ZNF600: variants seen among roughly 807,000 people sequenced by gnomAD.
ZNF600 encodes zinc finger protein KR-ZNF1.
In ZNF600, 4 loss-of-function variants were observed where a neutral mutation model predicts 7.3. The observed-to-expected ratio is 0.55, with a 90% CI of 0.27 to 1.25. The LOEUF is 1.25. ZNF600 is among the 50% of genes most tolerant of loss of function. The probability of loss-of-function intolerance (pLI) is 0.12; values close to 1 mark genes in which losing one functional copy is unlikely to be tolerated. For missense variants in ZNF600, 911 were observed against 922.1 expected (o/e 0.99, Z 0.16); for synonymous variants, 290 against 308.9 (o/e 0.94, Z 0.64).
chr19:52,784,430 A>T lies in ZNF600; in HGVS notation c.-20+2165T>A, dbSNP rs138325991. Reference sequence around the variant, plus strand: ...CAAAATATAAACTAATTAATAAATTAAAAGTATTATGTAATAAGAGAAAGT... The same window carrying T: ...CAAAATATAAACTAATTAATAAATTTAAAGTATTATGTAATAAGAGAAAGT... On this transcript the variant is annotated intron_variant, in intron 1 of 3. Transcript: ENST00000648973. Among the ~76,000 whole-genome samples, 141 of 152,256 alleles carry T rather than the reference A, an allele frequency of 9.3e-4. 1 individual carries two copies. Among genetic ancestry groups the T allele is most frequent in the African/African-American group, 3.3e-3 (137 of 41,548 alleles).
At chr19:52,832,775 CCTT>C in the ZNF600 span, among the ~76,000 whole-genome samples, 1 of 151,922 alleles carries the variant, frequency 6.6e-6, no homozygotes, top group Non-Finnish European at 1.5e-5. Context: ...CTCTCTCTCT[CCTT>C]TTTTTTCTTT....
At chr19:52,794,120 C>G in the ZNF600 span, among the ~76,000 whole-genome samples, 7 of 151,722 alleles carry the variant, frequency 4.6e-5, no homozygotes, top group Non-Finnish European at 8.8e-5. Flanking sequence ...AGTGGAGAGG[C>G]CTGCAGGGGA....
intron 3 of ZNF600, 100 bp downstream of exon 5, chr19:52,774,475 C>T: frequency 2.3e-6 from 2 of 878,066 alleles, no homozygotes; most frequent in Non-Finnish European, 2.6e-6. Flanking sequence ...AAAAAAAAAG[C>T]CATGCATGGG....
At chr19:52,799,216 GA>G in the ZNF600 span, 1 of 392,420 alleles carries the variant, frequency 2.5e-6, no homozygotes, top group Non-Finnish European at 5.0e-6. Context: ...ATTGCCTTTT[GA>G]ATTACAAGGT....
At chr19:52,801,778 C>CA in the ZNF600 span, 1 of 1,338,230 alleles carries the variant, frequency 7.5e-7, no homozygotes, top group Non-Finnish European at 1.0e-6. Flanking sequence ...AAATATGACA[C>CA]AAAAAACAAT....
the ZNF600 span, among the ~76,000 whole-genome samples, chr19:52,818,228 G>T: frequency 6.6e-6 from 1 of 152,070 alleles, no homozygotes; most frequent in Non-Finnish European, 1.5e-5. Flanking sequence ...TGCAGCAGTG[G>T]GGAGCTGGGC....
exon 4 of ZNF600, chr19:52,766,772 T>G: frequency 6.2e-7 from 1 of 1,614,078 alleles, no homozygotes; most frequent in Non-Finnish European, 8.5e-7. Context: ...ATTTGTATGG[T>G]TTCTCTCCAG....
the ZNF600 span, chr19:52,809,784 G>A: frequency 2.0e-6 from 1 of 503,958 alleles, no homozygotes; most frequent in Non-Finnish European, 3.5e-6. Flanking sequence ...CAGCCTGGGT[G>A]ACAGAGCGAA....
chr19:52,810,452 C>T, the ZNF600 span: 76 of 1,595,872 alleles, frequency 4.8e-5, no homozygotes, highest in African/African-American at 8.6e-4. Context: ...ATATAGAGTT[C>T]TCAAAGAGTC....
the ZNF600 span, among the ~76,000 whole-genome samples, chr19:52,826,160 G>C: frequency 8.7e-3 from 1,325 of 152,200 alleles, 8 homozygotes; most frequent in Non-Finnish European, 0.014. Context: ...GTTGCTCAAC[G>C]CCTGTAATCC....
At chr19:52,810,780 C>A in the ZNF600 span, 32 of 387,270 alleles carry the variant, frequency 8.3e-5, no homozygotes, top group South Asian at 8.8e-4. Context: ...AAAAAAAACC[C>A]AAAAAAAACA....
intron 2 of ZNF600, among the ~76,000 whole-genome samples, chr19:52,777,111 T>C (rs2062682093): frequency 6.6e-6 from 1 of 152,122 alleles, no homozygotes; most frequent in African/African-American, 2.4e-5. Flanking sequence ...CTAAGCGTGG[T>C]GGCTCAGGCC....
At chr19:52,801,613 C>T in the ZNF600 span, 1 of 1,614,110 alleles carries the variant, frequency 6.2e-7, no homozygotes, top group Admixed American at 1.7e-5. Context: ...TGATGACTTG[C>T]TTGTCTTTGC....
chr19:52,784,566 T>A (rs2062749207), intron 1 of ZNF600, among the ~76,000 whole-genome samples: 2 of 152,308 alleles, frequency 1.3e-5, no homozygotes, highest in South Asian at 4.1e-4. Flanking sequence ...TAACCTCTGA[T>A]ACCAAAATTT....
chr19:52,767,295 TC>T lies in ZNF600; in HGVS notation c.667del (p.Glu223LysfsTer4), dbSNP rs34839205. 1 of 1,614,188 alleles carries T rather than the reference TC, an allele frequency of 6.2e-7. No homozygotes were observed. The highest frequency in any genetic ancestry group is 1.7e-5 in the Admixed American group (1 of 60,030). On this transcript the variant is annotated frameshift_variant, in exon 4 of 4. Transcript: ENST00000648973. LOFTEE classifies it low-confidence loss of function (END_TRUNC). ...GAAAGATTTTTCTCTCATGTATACT[TC>T]CTGTTTTTGTGGGAGTAGTGAAGAA... is the stretch of plus-strand genomic sequence containing the variant.
At chr19:52,818,442 G>T in the ZNF600 span, among the ~76,000 whole-genome samples, 1 of 152,138 alleles carries the variant, frequency 6.6e-6, no homozygotes, top group Admixed American at 6.6e-5. Context: ...GCTGGGCTCA[G>T]TGGCTCATGC....
chr19:52,813,921 G>A, the ZNF600 span, among the ~76,000 whole-genome samples: 3 of 146,202 alleles, frequency 2.1e-5, 1 homozygote, highest in Non-Finnish European at 4.4e-5. Flanking sequence ...GGAGGTGGGA[G>A]ATGGACTCTG....
chr19:52,810,644 G>A, the ZNF600 span: 1 of 1,281,698 alleles, frequency 7.8e-7, no homozygotes. Flanking sequence ...GGTTTTAACA[G>A]CAGGCTCTGG....
At chr19:52,804,041 C>A in the ZNF600 span, among the ~76,000 whole-genome samples, 1 of 152,178 alleles carries the variant, frequency 6.6e-6, no homozygotes, top group African/African-American at 2.4e-5. Context: ...CCTGCAGATG[C>A]AGACCTTGAG....
Sources: gnomAD v4.1 joint callset for allele counts (sites outside exome capture counted in the v4.1 genomes callset) on GRCh38, gnomAD v4.1.1 for gene constraint, MANE v1.5 for transcripts, NCBI Gene and HGNC (gene_info 2026-07-23, HGNC 2026-07-21) for gene names.